The following MAML2 variants were observed in gnomAD, a reference collection of about 807,000 sequenced individuals.
MAML2 encodes the protein mastermind like transcriptional coactivator 2.
Under a neutral mutation model 96.1 loss-of-function variants are expected in MAML2, and 22 were observed. The ratio of observed to expected loss-of-function variants is 0.23; its 90% CI spans 0.16 to 0.33. MAML2 has a LOEUF of 0.33. Ranked by LOEUF, MAML2 falls within the 10% of genes least tolerant of loss-of-function variation. The pLI is 1.00. For synonymous variants in MAML2, 561 were observed against 521.3 expected (o/e 1.08, Z -1.04); for missense variants, 1,367 against 1,392.4 (o/e 0.98, Z 0.29).
At chr11:96,154,753 C>G (rs990012647) in intron 1 of MAML2, among the ~76,000 whole-genome samples, 5 of 152,182 alleles carry the variant, frequency 3.3e-5, no homozygotes, top group African/African-American at 1.2e-4. Context: ...TGAACATTAA[C>G]TTACGATTCA....
At chr11:96,157,079 G>C (rs1861021387) in intron 1 of MAML2, among the ~76,000 whole-genome samples, 1 of 152,228 alleles carries the variant, frequency 6.6e-6, no homozygotes, top group Non-Finnish European at 1.5e-5. Flanking sequence ...GGAAGTGCCA[G>C]AAAGGCAGAC....
At chr11:96,244,428 A>G (rs1862485277) in intron 1 of MAML2, among the ~76,000 whole-genome samples, 1 of 152,222 alleles carries the variant, frequency 6.6e-6, no homozygotes, top group South Asian at 2.1e-4. Context: ...CTTAAACTCT[A>G]ATGATTAGAA....
At chr11:96,245,853 C>T (rs564335790) in intron 1 of MAML2, among the ~76,000 whole-genome samples, 31 of 151,890 alleles carry the variant, frequency 2.0e-4, no homozygotes, top group East Asian at 1.2e-3. Flanking sequence ...TACAGGTGTG[C>T]GCCACCACAT....
At chr11:96,050,213 A>C (rs1858969120) in intron 2 of MAML2, among the ~76,000 whole-genome samples, 1 of 152,192 alleles carries the variant, frequency 6.6e-6, no homozygotes, top group Non-Finnish European at 1.5e-5. Context: ...TATTTATACA[A>C]GTGAGTGTAT....
At chr11:96,221,359 C>G (rs1184337752) in intron 1 of MAML2, among the ~76,000 whole-genome samples, 1 of 152,130 alleles carries the variant, frequency 6.6e-6, no homozygotes, top group Non-Finnish European at 1.5e-5. Flanking sequence ...TAGCGCTGGG[C>G]CTTTCCTGTA....
chr11:96,246,535 T>C (rs1323166837), intron 1 of MAML2, among the ~76,000 whole-genome samples: 1 of 152,154 alleles, frequency 6.6e-6, no homozygotes, highest in Non-Finnish European at 1.5e-5. Context: ...CCAAAAACTC[T>C]GTTTGTAAAC....
At chr11:96,049,407 A>G (rs1001547239) in intron 2 of MAML2, among the ~76,000 whole-genome samples, 3 of 152,130 alleles carry the variant, frequency 2.0e-5, no homozygotes. Flanking sequence ...TTTTTTTGAC[A>G]AAGAAGGTAA....
At chr11:96,273,297 T>C (rs1479434442) in intron 1 of MAML2, among the ~76,000 whole-genome samples, 2 of 152,162 alleles carry the variant, frequency 1.3e-5, no homozygotes, top group Non-Finnish European at 2.9e-5. Context: ...TAAATGACTT[T>C]TGGAAAAAAA....
At chr11:96,338,946 T>C (rs1863953407) in intron 1 of MAML2, among the ~76,000 whole-genome samples, 1 of 152,186 alleles carries the variant, frequency 6.6e-6, no homozygotes, top group African/African-American at 2.4e-5. Context: ...GGCCTCCCTT[T>C]GGACACAATG....
At chr11:96,210,422 A>G (rs566278476) in intron 1 of MAML2, among the ~76,000 whole-genome samples, 1 of 152,304 alleles carries the variant, frequency 6.6e-6, no homozygotes. Flanking sequence ...TTATCATTTT[A>G]GATATGTCCA....
At chr11:96,190,946 A>G (rs1861643779) in intron 1 of MAML2, among the ~76,000 whole-genome samples, 1 of 152,198 alleles carries the variant, frequency 6.6e-6, no homozygotes, top group South Asian at 2.1e-4. Flanking sequence ...CTGAGGTTGC[A>G]TTTATAAGGT....
intron 1 of MAML2, among the ~76,000 whole-genome samples, chr11:96,300,820 C>T (rs1863375779): frequency 6.6e-6 from 1 of 152,102 alleles, no homozygotes; most frequent in African/African-American, 2.4e-5. Flanking sequence ...CAGGTAAAGG[C>T]CAGGATGGTG....
At chr11:96,017,159 C>T (rs1296086500) in intron 2 of MAML2, among the ~76,000 whole-genome samples, 1 of 152,146 alleles carries the variant, frequency 6.6e-6, no homozygotes, top group Non-Finnish European at 1.5e-5. Context: ...TCTTACTATT[C>T]CTCCCATTTC....
chr11:96,341,425 G>C lies in MAML2; in HGVS notation c.471C>G (p.Pro157=). 1 of 1,547,114 alleles carries C rather than the reference G, an allele frequency of 6.5e-7. No individual in the cohort carries two copies. Among genetic ancestry groups the C allele is most frequent in the Non-Finnish European group, 8.7e-7 (1 of 1,144,238 alleles). Reference sequence around the variant, plus strand: ...TCCTCTGGTCCCCTGGGGTTGAAGCGGGCGGCTGCTGCTCTCCGTTTATCC... The same window carrying C: ...TCCTCTGGTCCCCTGGGGTTGAAGCCGGCGGCTGCTGCTCTCCGTTTATCC... ...SGGINGEQQP[P]ASTPGDQRNS... is the part of the protein sequence containing the mutation. Residue 157 remains proline (P), a synonymous_variant, in exon 1 of 5, where the codon CCC becomes CCG. Coordinates refer to ENST00000524717, the MANE Select transcript of MAML2 (RefSeq NM_032427.4).
At chr11:96,289,777 T>C (rs1050197096) in intron 1 of MAML2, among the ~76,000 whole-genome samples, 14 of 152,160 alleles carry the variant, frequency 9.2e-5, no homozygotes, top group Middle Eastern at 3.2e-3. Context: ...GTGCCTAACA[T>C]TCTCAGTGAA....
chr11:96,186,163 A>G lies in MAML2; in HGVS notation c.514-92646T>C, dbSNP rs145038609. The stretch of plus-strand genomic sequence containing the variant: ...TGCACACTAGAGGAAATTATACAGC[A>G]ATAAAGCATAATTAGGTTTTGCTCC... On this transcript the variant is annotated intron_variant, in intron 1 of 4. Transcript: ENST00000524717. Among the ~76,000 whole-genome samples, 535 of 152,390 alleles carry G rather than the reference A, an allele frequency of 3.5e-3. 11 individuals are homozygous for G. Among genetic ancestry groups the G allele is most frequent in the East Asian group, 0.03 (154 of 5,196 alleles).
intron 1 of MAML2, among the ~76,000 whole-genome samples, chr11:96,246,079 G>T (rs1042670699): frequency 1.3e-5 from 2 of 152,010 alleles, no homozygotes; most frequent in Non-Finnish European, 2.9e-5. Context: ...AGGCACTGGG[G>T]ACACAAAGCA....
chr11:96,017,458 A>G (rs1348973717), intron 2 of MAML2, among the ~76,000 whole-genome samples: 2 of 145,756 alleles, frequency 1.4e-5, no homozygotes, highest in African/African-American at 5.1e-5. Flanking sequence ...TACTGTGCCT[A>G]CAATAATAAC....
chr11:96,090,781 A>G (rs1859691162), intron 2 of MAML2, among the ~76,000 whole-genome samples: 1 of 152,198 alleles, frequency 6.6e-6, no homozygotes, highest in Admixed American at 6.5e-5. Context: ...GCCAACAACT[A>G]GGGCAAAGGT....
Sources: allele counts gnomAD v4.1 joint callset (sites outside exome capture counted in the v4.1 genomes callset), GRCh38; gene constraint gnomAD v4.1.1; transcripts MANE v1.5; gene names NCBI Gene and HGNC (gene_info 2026-07-23, HGNC 2026-07-21).